The following ANKRD11 variants were observed in gnomAD, a reference collection of about 807,000 sequenced individuals.
ANKRD11 encodes ankyrin repeat domain 11, also known as ankyrin repeat domain-containing protein 11.
Under a neutral mutation model 195.7 loss-of-function variants are expected in ANKRD11, and 17 were observed. That is an observed-to-expected ratio of 0.09 (90% CI 0.06 to 0.13). ANKRD11 has a LOEUF of 0.13. Ranked by LOEUF, ANKRD11 falls within the 10% of genes least tolerant of loss-of-function variation. ANKRD11 has a pLI of 1.00. For synonymous variants in ANKRD11, 1,953 were observed against 1,528.1 expected, an observed-to-expected ratio of 1.28 and a Z score of -6.49; for missense variants, 3,735 against 3,566.1, an observed-to-expected ratio of 1.05 and a Z score of -1.21.
Position 89,299,765 on chromosome 16 carries a change from C to T in ANKRD11, c.226+5441G>A, listed in dbSNP as rs560821342. The stretch of plus-strand genomic sequence containing the variant: ...CTGTGCCTTGTGTGGGGTGCCTGCC[C>T]TGTGTGGGGTGCGTGGGGTCTGTGC... On this transcript the variant is annotated intron_variant, in intron 4 of 12. Transcript: ENST00000301030. 2.6e-4 allele frequency: 42 copies of T among 164,076 alleles called. 1 individual carries two copies. Among genetic ancestry groups the T allele is most frequent in the South Asian group, 2.5e-3 (41 of 16,596 alleles). The allele number at this position is 164,076 out of a possible 1,614,324, so 10.2% of individuals were successfully genotyped here.
chr16:89,375,248 T>C (rs1237989702), intron 2 of ANKRD11, among the ~76,000 whole-genome samples: 1 of 152,158 alleles, frequency 6.6e-6, no homozygotes, highest in Non-Finnish European at 1.5e-5. Context: ...CGTCTCCGCG[T>C]GAGCAGCTGG....
intron 2 of ANKRD11, among the ~76,000 whole-genome samples, chr16:89,367,001 G>T (rs531784529): frequency 4.6e-5 from 7 of 152,322 alleles, no homozygotes; most frequent in African/African-American, 1.7e-4. Context: ...GCCAGCCCCT[G>T]GCCTGGAGCT....
At chr16:89,356,789 AAAAAAAG>A (rs1196556965) in intron 2 of ANKRD11, among the ~76,000 whole-genome samples, 10 of 151,182 alleles carry the variant, frequency 6.6e-5, no homozygotes, top group Admixed American at 4.0e-4. Context: ...TCAAAAAAAA[AAAAAAAG>A]AAAAAAGAAA....
At chr16:89,422,911 A>G (rs1567783562) in intron 1 of ANKRD11, among the ~76,000 whole-genome samples, 1 of 151,186 alleles carries the variant, frequency 6.6e-6, no homozygotes, top group Non-Finnish European at 1.5e-5. Flanking sequence ...AAGCACATCA[A>G]TAATCACTTT....
chr16:89,441,659 C>T (rs916510703), intron 1 of ANKRD11, among the ~76,000 whole-genome samples: 10 of 147,296 alleles, frequency 6.8e-5, no homozygotes, highest in Non-Finnish European at 1.0e-4. Context: ...CCCAGCTACT[C>T]GGGAGGCTGA....
At chr16:89,348,095 C>T (rs914179465) in intron 2 of ANKRD11, among the ~76,000 whole-genome samples, 2 of 152,006 alleles carry the variant, frequency 1.3e-5, no homozygotes, top group Admixed American at 6.6e-5. Flanking sequence ...CCCTGCCCAG[C>T]TCATTTTTGT....
Position 89,279,672 on chromosome 16 carries a change from G to C in ANKRD11, c.6870C>G (p.Pro2290=). ...CACGGGAGGCCTCAGTGTCGTCCTC[G>C]GGGCCGGCACCGTCTGCGGCCTGAG... The part of the protein sequence containing the change: ...AQAQAADGAG[P]EDDTEASRAA... The change falls in exon 9 of 13, where the codon CCC becomes CCG. Residue 2290 remains proline (P), a synonymous_variant. Coordinates refer to ENST00000301030, the MANE Select transcript of ANKRD11 (RefSeq NM_013275.6). The surrounding 1 kb of genome is among the most constrained non-coding windows in gnomAD (Gnocchi z 5.6). 2 of 1,465,676 alleles carry C rather than the reference G, an allele frequency of 1.4e-6. No individual in the cohort carries two copies. Among genetic ancestry groups the C allele is most frequent in the South Asian group, 2.7e-5 (2 of 72,810 alleles). The allele number at this position is 1,465,676 out of a possible 1,614,324, so 90.8% of individuals were successfully genotyped here.
chr16:89,417,881 T>A (rs558197252), intron 2 of ANKRD11, among the ~76,000 whole-genome samples: 3 of 151,998 alleles, frequency 2.0e-5, no homozygotes, highest in Admixed American at 2.0e-4. Context: ...GCTCCCAGGA[T>A]ACAGAATCCT....
chr16:89,288,743 T>A, intron 6 of ANKRD11, 73 bp from the exon 7 acceptor site: 2 of 1,608,108 alleles, frequency 1.2e-6, no homozygotes, highest in Middle Eastern at 1.7e-4. Flanking sequence ...GGCAGCGCCC[T>A]GAGGATGTGC....
Position 89,285,181 on chromosome 16 carries a change from A to T in ANKRD11, c.1361T>A (p.Val454Glu). The T allele has an allele frequency of 6.2e-7, 1 of 1,612,556 alleles. No individual in the cohort carries two copies. Among genetic ancestry groups the T allele is most frequent in the Non-Finnish European group, 8.5e-7 (1 of 1,179,800 alleles). The change falls in exon 9 of 13, where the codon GTG becomes GAG. Residue 454 changes from valine (V) to glutamate (E), a missense_variant. Val to Glu is a moderately radical substitution (Grantham distance 121, BLOSUM62 -2). Coordinates refer to ENST00000301030, the MANE Select transcript of ANKRD11 (RefSeq NM_013275.6). The surrounding 1 kb of genome is among the most constrained non-coding windows in gnomAD (Gnocchi z 5.6). ...NAKQQKEKNK[V>E]KKKRKKETKG... ...TGTTTCTTTCTTTCGCTTCTTTTTC[A>T]CTTTATTTTTTTCCTTCTGCTGCTT... is the stretch of plus-strand genomic sequence containing the variant.
At chr16:89,350,414 G>A (rs556586505) in intron 2 of ANKRD11, among the ~76,000 whole-genome samples, 4 of 152,142 alleles carry the variant, frequency 2.6e-5, no homozygotes, top group South Asian at 4.1e-4. Context: ...AGGAAACAAC[G>A]GACATGTCTA....
chr16:89,483,098 C>G (rs1208174363), intron 1 of ANKRD11, among the ~76,000 whole-genome samples: 1 of 152,224 alleles, frequency 6.6e-6, no homozygotes, highest in East Asian at 1.9e-4. Context: ...CTCCAACGCC[C>G]AAGAGCTGTT....
At chr16:89,443,125 C>CG (rs1473157576) in intron 1 of ANKRD11, among the ~76,000 whole-genome samples, 1 of 152,120 alleles carries the variant, frequency 6.6e-6, no homozygotes, top group Non-Finnish European at 1.5e-5. Flanking sequence ...CCGTGTAGCT[C>CG]GGATTACAGG....
intron 2 of ANKRD11, among the ~76,000 whole-genome samples, chr16:89,401,881 C>T (rs576559568): frequency 7.7e-4 from 117 of 151,860 alleles, no homozygotes; most frequent in African/African-American, 2.6e-3. Context: ...CAGAACCCGC[C>T]GGGCACACCA....
intron 4 of ANKRD11, among the ~76,000 whole-genome samples, chr16:89,297,117 G>A (rs1214041614): frequency 6.6e-6 from 1 of 152,224 alleles, no homozygotes; most frequent in Non-Finnish European, 1.5e-5. Context: ...CCAGGGACGT[G>A]GAGGTGTGTG....
At chr16:89,303,100 C>T (rs1003003326) in intron 4 of ANKRD11, among the ~76,000 whole-genome samples, 1 of 152,192 alleles carries the variant, frequency 6.6e-6, no homozygotes, top group African/African-American at 2.4e-5. Flanking sequence ...GGGTGGGCAC[C>T]AGGTAGCCCT....
intron 3 of ANKRD11, among the ~76,000 whole-genome samples, chr16:89,310,370 C>A (rs1206048677): frequency 6.6e-6 from 1 of 152,254 alleles, no homozygotes; most frequent in African/African-American, 2.4e-5. Context: ...TGAAACTACA[C>A]TGTCTGCATC....
intron 1 of ANKRD11, among the ~76,000 whole-genome samples, chr16:89,452,207 G>A (rs573750398): frequency 1.4e-4 from 21 of 151,824 alleles, no homozygotes; most frequent in African/African-American, 4.6e-4. Flanking sequence ...GCAGTAAGCC[G>A]AGATCACACC....
intron 2 of ANKRD11, among the ~76,000 whole-genome samples, chr16:89,342,490 C>T (rs1310561392): frequency 6.6e-6 from 1 of 152,224 alleles, no homozygotes; most frequent in Non-Finnish European, 1.5e-5. Flanking sequence ...TGAGGAGGAA[C>T]GGGCAGGGAG....
Sources: allele counts gnomAD v4.1 joint callset (sites outside exome capture counted in the v4.1 genomes callset), GRCh38; gene constraint gnomAD v4.1.1; non-coding constraint Gnocchi (gnomAD v3.1); transcripts MANE v1.5; gene names NCBI Gene and HGNC (gene_info 2026-07-23, HGNC 2026-07-21).